The following PEG3 variants were observed in gnomAD, a reference collection of about 807,000 sequenced individuals.
The protein encoded by PEG3 is paternally-expressed gene 3 protein.
In PEG3, 23 loss-of-function variants were observed where a neutral mutation model predicts 35.5. The observed-to-expected ratio is 0.65, with a 90% confidence interval of 0.47 to 0.92. PEG3 has a LOEUF of 0.92. Among genes scored for constraint, PEG3 ranks in the 40% least tolerant of loss-of-function variants. The probability of loss-of-function intolerance (pLI) is 0.00; values close to 1 mark genes in which losing one functional copy is unlikely to be tolerated. For missense variants in PEG3, 1,960 were observed against 1,985.3 expected (o/e 0.99, Z 0.24); for synonymous variants, 707 against 697.0 (o/e 1.01, Z -0.23).
intron 2 of PEG3, among the ~76,000 whole-genome samples, chr19:56,828,268 T>C (rs538888972): frequency 1.3e-5 from 2 of 152,288 alleles, no homozygotes; most frequent in Admixed American, 1.3e-4. Flanking sequence ...TAGAAAACCC[T>C]AAAGAATCAA....
rs2048090794 is a variant in PEG3 at position 56,810,776 on chromosome 19, A to C, written c.*2899T>G. ...TGTGCACTGAAACAAGATAGAGGAA[A>C]CAGATCAAGATGTTAGCAGTAGTTG... On this transcript the variant is annotated 3_prime_UTR_variant, in exon 10 of 10. Transcript: ENST00000326441. The C allele has an allele frequency of 1.0e-6, 1 of 980,556 alleles. No individual in the cohort carries two copies. The highest frequency in any genetic ancestry group is 1.8e-5 in the African/African-American group (1 of 57,104). 60.7% of individuals were successfully genotyped at this position (980,556 alleles called of 1,614,324 possible).
chr19:56,827,247 C>A (rs901385493), intron 2 of PEG3, among the ~76,000 whole-genome samples: 12 of 152,112 alleles, frequency 7.9e-5, no homozygotes, highest in African/African-American at 2.9e-4. Context: ...ATGCCAACTT[C>A]TGTGCCAAAA....
intron 6 of PEG3, 82 bp downstream of exon 6, chr19:56,822,671 A>G: frequency 6.4e-7 from 1 of 1,551,948 alleles, no homozygotes; most frequent in Non-Finnish European, 8.8e-7. Flanking sequence ...AGAAACTTCG[A>G]GGCCCTGGCA....
chr19:56,813,839 G>C lies in PEG3; in HGVS notation c.4603C>G (p.Pro1535Ala). The change falls in exon 10 of 10, where the codon CCT becomes GCT. Residue 1535 changes from proline (P) to alanine (A), a missense_variant. By Grantham distance (27) the Pro-to-Ala change is conservative (BLOSUM62 -1). Coordinates refer to ENST00000326441, the MANE Select transcript of PEG3 (RefSeq NM_006210.3). ...GAGCACTCCCCAAAGGCATTTGCAG[G>C]CTCAAATATGATCATGCTGGCATGA... ...KTHASMIIFE[P>A]ANAFGECSGY... 2 of 1,614,168 alleles carry C rather than the reference G, an allele frequency of 1.2e-6. No homozygotes were observed. Among genetic ancestry groups the C allele is most frequent in the Non-Finnish European group, 1.7e-6 (2 of 1,180,038 alleles).
chr19:56,814,714 T>C lies in PEG3; in HGVS notation c.3728A>G (p.His1243Arg), dbSNP rs1463496522. Residue 1243 changes from histidine (H) to arginine (R), a missense_variant, in exon 10 of 10, where the codon CAT becomes CGT. Around this residue, in one of 5 missense-constraint regions of PEG3, gnomAD observed 124 missense variants for 179.6 expected, o/e 0.69. Transcript: ENST00000326441. The surrounding 1 kb of genome is among the most constrained non-coding windows in gnomAD (Gnocchi z 5.8). ...ATCATCTTCCCTATGAAGTCTCATATGCTCATTAAGGGCAGAGCTATGAAT... is the reference window on the plus strand; with the variant it reads ...ATCATCTTCCCTATGAAGTCTCATACGCTCATTAAGGGCAGAGCTATGAAT... ...GFIHSSALNE[H>R]MRLHREDDLL... is the part of the protein sequence containing the mutation. 1.2e-6 allele frequency: 2 copies of C among 1,614,106 alleles called. No homozygotes were observed. The highest frequency in any genetic ancestry group is 1.7e-5 in the Admixed American group (1 of 60,032).
In PEG3 at chr19:56,816,371, G is replaced by A. The variant is rs148855175; in HGVS notation, c.2071C>T (p.Arg691Trp). 5.9e-5 allele frequency: 95 copies of A among 1,613,958 alleles called. No individual in the cohort carries two copies. Among genetic ancestry groups the A allele is most frequent in the African/African-American group, 5.6e-4 (42 of 74,986 alleles). The change falls in exon 10 of 10, where the codon CGG (arginine) becomes TGG (tryptophan). Residue 691 changes from arginine (R) to tryptophan (W), a missense_variant. Transcript: ENST00000326441. ...KEKLCDFTDGRDAFMQSSELS... is the reference protein window; with the variant it reads ...KEKLCDFTDGWDAFMQSSELS... ...TCTGAGCTTTGCATGAAGGCATCCCGGCCATCTGTAAAGTCACAGAGCTTC... is the reference window on the plus strand; with the variant it reads ...TCTGAGCTTTGCATGAAGGCATCCCAGCCATCTGTAAAGTCACAGAGCTTC...
chr19:56,818,015 C>A (rs12609908), intron 8 of PEG3, among the ~76,000 whole-genome samples, 180 bp from the exon 9 acceptor site: 75,726 of 152,080 alleles, frequency 0.5, 19,445 homozygotes, highest in South Asian at 0.62. Flanking sequence ...CTAATCCATT[C>A]TAATCTACAT....
chr19:56,836,774 C>T (rs2062155445), intron 1 of PEG3, among the ~76,000 whole-genome samples: 1 of 151,970 alleles, frequency 6.6e-6, no homozygotes, highest in African/African-American at 2.4e-5. Flanking sequence ...TTCGAGACCA[C>T]CCTGGCCAAA....
chr19:56,829,356 A>T (rs1195382335), intron 2 of PEG3, among the ~76,000 whole-genome samples: 1 of 151,992 alleles, frequency 6.6e-6, no homozygotes, highest in Non-Finnish European at 1.5e-5. Context: ...AAAAAAAAAA[A>T]AAAAAGTCAG....
intron 1 of PEG3, among the ~76,000 whole-genome samples, chr19:56,836,921 G>C (rs936688243): frequency 7.3e-6 from 1 of 137,634 alleles, no homozygotes. Flanking sequence ...AGTGAGCCAA[G>C]ATCACGCCAC....
At position 56,812,110 on chromosome 19, in the gene PEG3, A is replaced by C; in HGVS notation, c.*1565T>G. ...AAATGATCTACACTTACATTTTGCAAATCTTTTTTTTTAAATTTTTTAAAT... is the reference window on the plus strand; with the variant it reads ...AAATGATCTACACTTACATTTTGCACATCTTTTTTTTTAAATTTTTTAAAT... On this transcript the variant is annotated 3_prime_UTR_variant, in exon 10 of 10. Coordinates refer to ENST00000326441, the MANE Select transcript of PEG3 (RefSeq NM_006210.3). The C allele has an allele frequency of 1.0e-6, 1 of 975,550 alleles. No individual in the cohort carries two copies. Among genetic ancestry groups the C allele is most frequent in the Non-Finnish European group, 1.2e-6 (1 of 820,926 alleles). The allele number at this position is 975,550 out of a possible 1,614,324, so 60.4% of individuals were successfully genotyped here. A position where few individuals can be genotyped will look rare whatever the true frequency, so the allele number is the denominator to read the frequency against.
At chr19:56,827,388 G>A (rs1568692315) in intron 2 of PEG3, among the ~76,000 whole-genome samples, 1 of 151,974 alleles carries the variant, frequency 6.6e-6, no homozygotes, top group Non-Finnish European at 1.5e-5. Context: ...ATTGAAAAAT[G>A]GAAGTTATTT....
intron 1 of PEG3, among the ~76,000 whole-genome samples, chr19:56,839,617 G>A (rs1237932239): frequency 1.3e-5 from 2 of 152,026 alleles, no homozygotes; most frequent in African/African-American, 2.4e-5. Context: ...CCCACTTGCC[G>A]CCAATCAACT....
In PEG3 at chr19:56,814,062, GTCT is replaced by G. The variant is rs749974066; in HGVS notation, c.4377_4379del (p.Glu1459del). On this transcript the variant is annotated inframe_deletion, in exon 10 of 10. Coordinates refer to ENST00000326441, the MANE Select transcript of PEG3 (RefSeq NM_006210.3). The surrounding 1 kb of genome is among the most constrained non-coding windows in gnomAD (Gnocchi z 5.8). ...CTGGCTCTTCAGCTCTTTCTTCTGGGTCTTCAATACCTGCACCATCTGGCTCAT... is the reference window on the plus strand; with the variant it reads ...CTGGCTCTTCAGCTCTTTCTTCTGGGTCAATACCTGCACCATCTGGCTCAT... The G allele has an allele frequency of 4.5e-5, 72 of 1,614,016 alleles. 1 individual carries two copies. In the Admixed American group the frequency reaches 8.7e-4, roughly 19 times the overall value.
At chr19:56,818,491 G>C in intron 8 of PEG3, 109 bp downstream of exon 8, 1 of 1,148,612 alleles carries the variant, frequency 8.7e-7, no homozygotes, top group Non-Finnish European at 1.2e-6. Flanking sequence ...TATTACCCTT[G>C]AAGTCCAAAT....
rs1261707715 is a variant in PEG3 at position 56,812,340 on chromosome 19, A to G, written c.*1335T>C. 1.3e-5 allele frequency: 13 copies of G among 983,100 alleles called. No individual in the cohort carries two copies. The highest frequency in any genetic ancestry group is 1.6e-5 in the Non-Finnish European group (13 of 827,876). The allele number at this position is 983,100 out of a possible 1,614,324, so 60.9% of individuals were successfully genotyped here. A position where few individuals can be genotyped will look rare whatever the true frequency, so the allele number is the denominator to read the frequency against. On this transcript the variant is annotated 3_prime_UTR_variant, in exon 10 of 10. Coordinates refer to ENST00000326441, the MANE Select transcript of PEG3 (RefSeq NM_006210.3). ...AAATACTCTAGGAGAGCTGAAAAAG[A>G]AGGAACAGATGTTAACAAAACAAAT...
chr19:56,839,780 G>T (rs906615089), intron 1 of PEG3, among the ~76,000 whole-genome samples: 1 of 151,394 alleles, frequency 6.6e-6, no homozygotes, highest in African/African-American at 2.4e-5. Flanking sequence ...CAGCGCCTGC[G>T]CGGCAAACCT....
chr19:56,814,172 C>A lies in PEG3; in HGVS notation c.4270G>T (p.Gly1424Trp), dbSNP rs1215749606. The A allele has an allele frequency of 1.9e-6, 3 of 1,614,178 alleles. No homozygotes were observed. Among genetic ancestry groups the A allele is most frequent in the South Asian group, 2.2e-5 (2 of 91,070 alleles). The change falls in exon 10 of 10, where the codon GGG becomes TGG. Residue 1424 changes from glycine to tryptophan, a missense_variant. Physicochemically the swap from Gly to Trp is radical, Grantham distance 184. This residue lies in a region of PEG3 where 416 missense variants were observed against 416.7 expected (regional missense o/e 1.00). Coordinates refer to ENST00000326441, the MANE Select transcript of PEG3 (RefSeq NM_006210.3). This position sits in a 1 kb window ranked among gnomAD's most constrained non-coding sequence, Gnocchi z 5.8. ...EAAEPNGEAE[G>W]PDGEAAEPIG... Reference sequence around the variant, plus strand: ...GGCTCTGCAGCCTCTCCATCTGGCCCTTCAGCCTCTCCGTTTGGCTCAGCA... The same window carrying A: ...GGCTCTGCAGCCTCTCCATCTGGCCATTCAGCCTCTCCGTTTGGCTCAGCA...
At chr19:56,834,883 T>C (rs2061932085) in intron 2 of PEG3, among the ~76,000 whole-genome samples, 1 of 152,206 alleles carries the variant, frequency 6.6e-6, no homozygotes, top group African/African-American at 2.4e-5. Flanking sequence ...CATTCACTTC[T>C]GGAGACTCTA....
Sources: allele counts gnomAD v4.1 joint callset (sites outside exome capture counted in the v4.1 genomes callset), GRCh38; gene constraint gnomAD v4.1.1; regional missense constraint gnomAD v4.1.1; non-coding constraint Gnocchi (gnomAD v3.1); transcripts MANE v1.5; gene names NCBI Gene and HGNC (gene_info 2026-07-23, HGNC 2026-07-21).